The following SND1 variants were observed in gnomAD, a reference collection of about 807,000 sequenced individuals.
SND1 encodes staphylococcal nuclease and tudor domain containing 1, also known as staphylococcal nuclease domain-containing protein 1.
SND1 carries 38 observed loss-of-function variants against 121.7 expected under a neutral mutation model. The ratio of observed to expected loss-of-function variants is 0.31; its 90% CI spans 0.24 to 0.41. SND1 has a LOEUF of 0.41. Among genes scored for constraint, SND1 ranks in the 10% least tolerant of loss-of-function variants. SND1 has a pLI of 1.00. For missense variants in SND1, 868 were observed against 1,184.6 expected (o/e 0.73, Z 3.92); for synonymous variants, 401 against 447.4 (o/e 0.90, Z 1.31).
rs201240288 is a variant in SND1, at chr7:127,686,727, G to C, written c.193G>C (p.Ala65Pro). The change falls in exon 2 of 24, where the codon GCC (alanine) becomes CCC (proline). Residue 65 changes from alanine to proline, a missense_variant. By Grantham distance (27) the Ala-to-Pro change is conservative (BLOSUM62 -1). Coordinates refer to ENST00000354725, the MANE Select transcript of SND1 (RefSeq NM_014390.4). ...RAGNLARRAAATQPDAKDTPD... is the reference protein window; with the variant it reads ...RAGNLARRAAPTQPDAKDTPD... ...TGGAAATCTTGCTCGCCGGGCAGCCGCCACACAACCTGATGCAAAGGATAC... is the reference window on the plus strand; with the variant it reads ...TGGAAATCTTGCTCGCCGGGCAGCCCCCACACAACCTGATGCAAAGGATAC... 6.2e-7 allele frequency: 1 copy of C among 1,614,116 alleles called. No homozygotes were observed. The highest frequency in any genetic ancestry group is 1.7e-5 in the Admixed American group (1 of 60,012).
intron 10 of SND1, among the ~76,000 whole-genome samples, chr7:127,744,230 C>G (rs1796937102): frequency 6.6e-6 from 1 of 151,706 alleles, no homozygotes; most frequent in African/African-American, 2.4e-5. Context: ...TATTTAGGCT[C>G]CTGGTTTTTA....
rs1411540200 is a variant in SND1 at position 127,763,871 on chromosome 7, A to C, written c.1152+42471A>C. On this transcript the variant is annotated intron_variant, in intron 10 of 23. Coordinates refer to ENST00000354725, the MANE Select transcript of SND1 (RefSeq NM_014390.4). ...TATTTGGGGAGACTGAGGGAGGAGG[A>C]TTGCCTCAGCATAGTGAGACACTGT... 4.6e-5 allele frequency among the ~76,000 whole-genome samples: 7 copies of C among 152,036 alleles called. No individual in the cohort carries two copies. The East Asian group carries it at 1.4e-3, about 29-fold the overall frequency.
chr7:127,719,973 C>T (rs553452626), intron 9 of SND1, among the ~76,000 whole-genome samples: 2 of 152,190 alleles, frequency 1.3e-5, no homozygotes, highest in Admixed American at 6.5e-5. Context: ...TTTCTTAAGG[C>T]ATTCCTTACT....
intron 12 of SND1, among the ~76,000 whole-genome samples, chr7:127,871,174 AC>A (rs1292222205): frequency 1.3e-5 from 2 of 152,116 alleles, no homozygotes; most frequent in Non-Finnish European, 2.9e-5. Flanking sequence ...TGATAACAAT[AC>A]CTTCTTCTGG....
chr7:127,733,980 A>G (rs1387533215), intron 10 of SND1, among the ~76,000 whole-genome samples: 1 of 151,806 alleles, frequency 6.6e-6, no homozygotes, highest in African/African-American at 2.4e-5. Context: ...CGGAATGTTC[A>G]TTTTTCACAA....
chr7:127,858,031 A>G, intron 12 of SND1: 1 of 1,440,180 alleles, frequency 6.9e-7, no homozygotes, highest in Non-Finnish European at 9.8e-7. Flanking sequence ...TTCCCACATC[A>G]CATCCACCAG....
intron 18 of SND1, 63 bp downstream of exon 18, chr7:128,081,564 AG>A: frequency 6.3e-7 from 1 of 1,596,474 alleles, no homozygotes; most frequent in East Asian, 2.2e-5. Context: ...GCCTGGGGGT[AG>A]GGGGCCTCTG....
At chr7:127,913,506 A>ATAGCATG (rs1800504013) in intron 14 of SND1, among the ~76,000 whole-genome samples, 1 of 152,188 alleles carries the variant, frequency 6.6e-6, no homozygotes, top group Non-Finnish European at 1.5e-5. Context: ...CTCTGGCCAT[A>ATAGCATG]GATTTGGCTA....
chr7:127,807,688 C>A, intron 11 of SND1, 115 bp downstream of exon 11: 1 of 772,526 alleles, frequency 1.3e-6, no homozygotes, highest in Non-Finnish European at 2.2e-6. Flanking sequence ...TCCATCAAGT[C>A]AAATGGAATT....
chr7:128,081,373 A>G lies in SND1; in HGVS notation c.1982A>G (p.Tyr661Cys), dbSNP rs1482103817. Residue 661 changes from tyrosine to cysteine, a missense_variant, in exon 18 of 24, where the codon TAT (tyrosine) becomes TGT (cysteine). Coordinates refer to ENST00000354725, the MANE Select transcript of SND1 (RefSeq NM_014390.4). ...KQKKEKVWAH[Y>C]EEQPVEEVMP... Reference sequence around the variant, plus strand: ...CTGAACATGCAGGTCTGGGCCCACTATGAGGAGCAGCCCGTGGAGGAGGTG... The same window carrying G: ...CTGAACATGCAGGTCTGGGCCCACTGTGAGGAGCAGCCCGTGGAGGAGGTG... The G allele has an allele frequency of 6.2e-6, 10 of 1,613,784 alleles. No individual in the cohort carries two copies. The highest frequency in any genetic ancestry group is 8.5e-6 in the Non-Finnish European group (10 of 1,179,928).
rs181658077 is a variant in SND1 at position 127,953,130 on chromosome 7, C to T, written c.1669+23801C>T. 2.1e-4 allele frequency among the ~76,000 whole-genome samples: 32 copies of T among 149,940 alleles called. No individual in the cohort carries two copies. In the East Asian group the frequency reaches 5.7e-3, roughly 27 times the overall value. On this transcript the variant is annotated intron_variant, in intron 15 of 23. Coordinates refer to ENST00000354725, the MANE Select transcript of SND1 (RefSeq NM_014390.4). ...AGTGAGCCATGGTCACTCCACTGCACTCCAGCCTGGGTGACAAGACCGTGT... is the reference window on the plus strand; with the variant it reads ...AGTGAGCCATGGTCACTCCACTGCATTCCAGCCTGGGTGACAAGACCGTGT...
intron 12 of SND1, among the ~76,000 whole-genome samples, chr7:127,881,551 A>T (rs1206963980): frequency 6.6e-6 from 1 of 152,170 alleles, no homozygotes; most frequent in Non-Finnish European, 1.5e-5. Flanking sequence ...GAAAGAGTAT[A>T]TATGTATATG....
intron 16 of SND1, among the ~76,000 whole-genome samples, chr7:128,041,119 A>G (rs1314377775): frequency 6.6e-6 from 1 of 152,116 alleles, no homozygotes; most frequent in Non-Finnish European, 1.5e-5. Context: ...TCTTTGAGCA[A>G]AAGGACAAGC....
chr7:127,990,537 C>T (rs192935268), intron 15 of SND1, among the ~76,000 whole-genome samples: 19 of 152,254 alleles, frequency 1.2e-4, no homozygotes, highest in Admixed American at 9.2e-4. Context: ...GTGAGAATGG[C>T]ACTTAGGAGG....
At chr7:127,953,641 G>T (rs903240256) in intron 15 of SND1, among the ~76,000 whole-genome samples, 1 of 152,116 alleles carries the variant, frequency 6.6e-6, no homozygotes, top group Non-Finnish European at 1.5e-5. Context: ...CACTAATTGG[G>T]GCAGTAAAAG....
chr7:127,850,374 C>T (rs1301963874), intron 12 of SND1, among the ~76,000 whole-genome samples: 2 of 152,162 alleles, frequency 1.3e-5, no homozygotes, highest in East Asian at 1.9e-4. Flanking sequence ...CCTCTTGAAT[C>T]GCTCTTTTCT....
At chr7:127,895,052 CT>C (rs1403864254) in intron 13 of SND1, among the ~76,000 whole-genome samples, 3 of 151,956 alleles carry the variant, frequency 2.0e-5, no homozygotes, top group African/African-American at 7.2e-5. Flanking sequence ...TGCCTTACAT[CT>C]TTTTTATGCC....
At chr7:127,940,276 G>A (rs561270429) in intron 15 of SND1, among the ~76,000 whole-genome samples, 45 of 152,218 alleles carry the variant, frequency 3.0e-4, no homozygotes, top group African/African-American at 8.7e-4. Flanking sequence ...CCTTCTTGTG[G>A]CTTTCCCAGA....
intron 1 of SND1, among the ~76,000 whole-genome samples, chr7:127,654,651 A>G (rs1562968593): frequency 6.6e-6 from 1 of 152,234 alleles, no homozygotes; most frequent in Non-Finnish European, 1.5e-5. Flanking sequence ...GTCTTCACAT[A>G]GGAGTATGGT....
Sources: gnomAD v4.1 joint callset for allele counts (sites outside exome capture counted in the v4.1 genomes callset) on GRCh38, gnomAD v4.1.1 for gene constraint, MANE v1.5 for transcripts, NCBI Gene and HGNC (gene_info 2026-07-23, HGNC 2026-07-21) for gene names.